The following DIAPH2 variants were observed in gnomAD, a reference collection of about 807,000 sequenced individuals.
The protein encoded by DIAPH2 is diaphanous related formin 2, also known as protein diaphanous homolog 2.
In DIAPH2, 35 loss-of-function variants were observed where a neutral mutation model predicts 92.7. That is an observed-to-expected ratio of 0.38 (90% CI 0.29 to 0.50). The LOEUF is 0.50. Ranked by LOEUF, DIAPH2 falls within the 20% of genes least tolerant of loss-of-function variation. DIAPH2 has a pLI of 0.94. For synonymous variants in DIAPH2, 301 were observed against 280.4 expected (o/e 1.07, Z -0.73); for missense variants, 701 against 819.5 (o/e 0.86, Z 1.77).
At chrX:96,786,346 G>A in intron 4 of DIAPH2, among the ~76,000 whole-genome samples, 1 of 111,860 alleles carries the variant, frequency 8.9e-6, no homozygotes, top group Non-Finnish European at 1.9e-5. Context: ...AGTCATGAAG[G>A]TACTGTGGAG....
intron 17 of DIAPH2, among the ~76,000 whole-genome samples, chrX:97,005,932 G>A (rs1429923710): frequency 1.3e-5 from 1 of 77,248 alleles, no homozygotes; most frequent in African/African-American, 5.2e-5. Flanking sequence ...TTTTTTTGAT[G>A]TAGGAGGTTA....
intron 24 of DIAPH2, among the ~76,000 whole-genome samples, chrX:97,362,952 T>G (rs189111208): frequency 1.3e-4 from 15 of 112,306 alleles, no homozygotes; most frequent in African/African-American, 4.5e-4. Flanking sequence ...GATCACTGAG[T>G]TGTCCTATTT....
At chrX:97,106,792 C>T (rs1197937932) in intron 20 of DIAPH2, among the ~76,000 whole-genome samples, 3 of 111,263 alleles carry the variant, frequency 2.7e-5, no homozygotes, top group African/African-American at 9.8e-5. Context: ...ATTAGCCAGG[C>T]ATGGTGGCGG....
chrX:97,160,639 T>A (rs2067362440), intron 22 of DIAPH2, among the ~76,000 whole-genome samples: 1 of 111,790 alleles, frequency 8.9e-6, no homozygotes, highest in Non-Finnish European at 1.9e-5. Flanking sequence ...ATGATTTATC[T>A]TAGTTAATCT....
chrX:96,882,982 AACAAAAAAAC>A (rs1347676618), intron 5 of DIAPH2, among the ~76,000 whole-genome samples: 1 of 51,905 alleles, frequency 1.9e-5, no homozygotes, highest in African/African-American at 4.1e-5. Context: ...AAAAAAAAAA[AACAAAAAAAC>A]AAAAATCCGG....
intron 22 of DIAPH2, among the ~76,000 whole-genome samples, chrX:97,166,631 A>G (rs2067414274): frequency 9.0e-6 from 1 of 111,299 alleles, no homozygotes; most frequent in African/African-American, 3.2e-5. Context: ...TAAAGACTTT[A>G]AAAAACTCAT....
At position 97,185,397 on chromosome X, in the gene DIAPH2, A is replaced by ATATATATGTGTG. The variant is rs2067581279; in HGVS notation, c.2719+43610_2719+43611insGTGTGTATATAT. 7.3e-4 allele frequency among the ~76,000 whole-genome samples: 4 copies of ATATATATGTGTG among 5,497 alleles called. 1 individual carries two copies. The highest frequency in any genetic ancestry group is 3.7e-3 in the East Asian group (1 of 267). 4.8% of individuals were successfully genotyped at this position (5,497 alleles called of 115,157 possible). A position where few individuals can be genotyped will look rare whatever the true frequency, so the allele number is the denominator to read the frequency against. On this transcript the variant is annotated intron_variant, in intron 22 of 26. Transcript: ENST00000324765. Reference sequence around the variant, plus strand: ...TATATATATGTATATATATATGTGTATATATATATATATGTATATATATAT... The same window carrying ATATATATGTGTG: ...TATATATATGTATATATATATGTGTATATATATGTGTGTATATATATATATGTATATATATAT...
intron 21 of DIAPH2, among the ~76,000 whole-genome samples, chrX:97,140,145 T>C (rs1395029174): frequency 8.9e-6 from 1 of 111,824 alleles, no homozygotes; most frequent in African/African-American, 3.2e-5. Flanking sequence ...CACTTAATGT[T>C]TCCAGAATTT....
intron 15 of DIAPH2, among the ~76,000 whole-genome samples, chrX:96,955,713 G>T (rs1333815440): frequency 4.5e-5 from 5 of 112,188 alleles, no homozygotes. Flanking sequence ...ATCCAATAGG[G>T]CAGTCATTAA....
At chrX:96,858,608 G>A (rs1266190458) in intron 4 of DIAPH2, among the ~76,000 whole-genome samples, 1 of 111,897 alleles carries the variant, frequency 8.9e-6, no homozygotes, top group Admixed American at 9.5e-5. Flanking sequence ...TTAGCATAAT[G>A]CCAAGTTAGC....
chrX:97,585,513 T>C (rs1395214540), intron 26 of DIAPH2, among the ~76,000 whole-genome samples: 2 of 109,467 alleles, frequency 1.8e-5, no homozygotes, highest in African/African-American at 3.3e-5. Flanking sequence ...AGGAAACTGA[T>C]GTCCATAATG....
chrX:97,512,488 G>T (rs1569415312), intron 26 of DIAPH2, among the ~76,000 whole-genome samples: 1 of 111,877 alleles, frequency 8.9e-6, no homozygotes, highest in Non-Finnish European at 1.9e-5. Flanking sequence ...TTTTTGAAGG[G>T]TTTTTGTGTC....
chrX:97,087,719 T>C (rs1298264419), intron 19 of DIAPH2, among the ~76,000 whole-genome samples: 1 of 112,033 alleles, frequency 8.9e-6, no homozygotes, highest in Non-Finnish European at 1.9e-5. Flanking sequence ...TAGAGATTAG[T>C]ATCTTAGACA....
At chrX:96,910,017 T>C (rs1289275709) in intron 5 of DIAPH2, among the ~76,000 whole-genome samples, 5 of 111,458 alleles carry the variant, frequency 4.5e-5, no homozygotes, top group African/African-American at 1.6e-4. Flanking sequence ...GATTATTTCA[T>C]CTTCCCAAAT....
intron 1 of DIAPH2, among the ~76,000 whole-genome samples, chrX:96,705,845 A>G: frequency 8.9e-6 from 1 of 111,768 alleles, no homozygotes; most frequent in South Asian, 3.7e-4. Flanking sequence ...CAATGGACCT[A>G]TTGAAACAGA....
intron 25 of DIAPH2, among the ~76,000 whole-genome samples, chrX:97,410,254 TACCC>T (rs1211278002): frequency 1.8e-5 from 2 of 112,144 alleles, no homozygotes; most frequent in African/African-American, 6.5e-5. Context: ...CTGCTGGTGA[TACCC>T]AGGCAAACAG....
chrX:97,569,154 A>C (rs1048207633), intron 26 of DIAPH2, among the ~76,000 whole-genome samples: 8 of 111,820 alleles, frequency 7.2e-5, no homozygotes, highest in Non-Finnish European at 1.3e-4. Context: ...TAAAACACAT[A>C]CCATATATAA....
intron 4 of DIAPH2, among the ~76,000 whole-genome samples, chrX:96,808,712 T>C (rs1442722803): frequency 8.9e-6 from 1 of 112,228 alleles, no homozygotes; most frequent in Non-Finnish European, 1.9e-5. Flanking sequence ...AAAAAGTCTT[T>C]AACAGAAATC....
intron 3 of DIAPH2, among the ~76,000 whole-genome samples, chrX:96,739,088 A>G (rs2064104602): frequency 2.7e-5 from 3 of 111,328 alleles, no homozygotes; most frequent in Admixed American, 9.6e-5. Flanking sequence ...CTACAAAGCA[A>G]AAGAGGCCTA....
Sources: allele counts gnomAD v4.1 joint callset (sites outside exome capture counted in the v4.1 genomes callset), GRCh38; gene constraint gnomAD v4.1.1; transcripts MANE v1.5; gene names NCBI Gene and HGNC (gene_info 2026-07-23, HGNC 2026-07-21).